The following DPYD variants were observed in gnomAD, a reference collection of about 807,000 sequenced individuals.
DPYD encodes the protein dihydropyrimidine dehydrogenase.
In DPYD, 109 loss-of-function variants were observed where a neutral mutation model predicts 116.2. That is an observed-to-expected ratio of 0.94 (90% CI 0.80 to 1.10). The LOEUF (loss-of-function observed/expected upper bound fraction) is 1.10, where lower values mean the gene tolerates loss of function less well. Among genes scored for constraint, DPYD ranks in the 50% least tolerant of loss-of-function variants. DPYD has a pLI of 0.00. For synonymous variants in DPYD, 440 were observed against 432.0 expected (o/e 1.02, Z -0.23); for missense variants, 1,302 against 1,254.5 (o/e 1.04, Z -0.57).
At chr1:97,701,061 T>C (rs1479075322) in intron 5 of DPYD, among the ~76,000 whole-genome samples, 1 of 150,690 alleles carries the variant, frequency 6.6e-6, no homozygotes, top group East Asian at 1.9e-4. Flanking sequence ...TGGACTAAAA[T>C]TCCAATTAAA....
intron 18 of DPYD, among the ~76,000 whole-genome samples, chr1:97,253,308 G>A (rs751172385): frequency 3.3e-5 from 5 of 152,150 alleles, no homozygotes; most frequent in African/African-American, 4.8e-5. Context: ...AATGGAAAAC[G>A]AATGCCAGTA....
In DPYD at chr1:97,699,395, AG is replaced by A; in HGVS notation, c.635del (p.Ser212LeufsTer15). On this transcript the variant is annotated frameshift_variant, in exon 6 of 23. Coordinates refer to ENST00000370192, the MANE Select transcript of DPYD (RefSeq NM_000110.4). LOFTEE classifies it high-confidence loss of function. ...CTTGTTTTTCAAATATAGTGATGTC[AG>A]AGTACCCCAATCGAGCCAAAAAGGA... ...CASFLARLGYSDITIFEKQEY... is the reference protein window; with the variant it reads ...CASFLARLGYXDITIFEKQEY... 1.2e-6 allele frequency: 2 copies of A among 1,613,738 alleles called. No individual in the cohort carries two copies. The highest frequency in any genetic ancestry group is 1.7e-6 in the Non-Finnish European group (2 of 1,179,694).
chr1:97,178,173 C>T (rs190713937), intron 20 of DPYD, among the ~76,000 whole-genome samples: 47 of 152,236 alleles, frequency 3.1e-4, no homozygotes, highest in African/African-American at 1.1e-3. Context: ...TAGCCTGGAG[C>T]ACTCTGACAG....
chr1:97,401,073 G>T (rs1266200564), intron 14 of DPYD, among the ~76,000 whole-genome samples: 1 of 152,062 alleles, frequency 6.6e-6, no homozygotes, highest in African/African-American at 2.4e-5. Context: ...ATGATGTAGA[G>T]TACCTTTTCA....
intron 11 of DPYD, among the ~76,000 whole-genome samples, chr1:97,573,385 A>G (rs1653040342): frequency 2.0e-5 from 3 of 152,080 alleles, no homozygotes; most frequent in Admixed American, 1.3e-4. Context: ...CATTCATTAG[A>G]TTTTGATTTG....
At chr1:97,463,744 A>C (rs1356824311) in intron 13 of DPYD, among the ~76,000 whole-genome samples, 9 of 152,286 alleles carry the variant, frequency 5.9e-5, no homozygotes, top group African/African-American at 1.7e-4. Flanking sequence ...AACTACAGGA[A>C]AGGTGACTTT....
intron 14 of DPYD, among the ~76,000 whole-genome samples, chr1:97,399,815 T>C (rs573521162): frequency 7.2e-5 from 11 of 152,234 alleles, no homozygotes; most frequent in South Asian, 2.1e-4. Flanking sequence ...TGAGACTTTG[T>C]TGAAGTTGCT....
Position 97,102,396 on chromosome 1 carries a change from CAT to C in DPYD, c.2623-3766_2623-3765del, listed in dbSNP as rs372249411. Among the ~76,000 whole-genome samples the C allele has an allele frequency of 4.9e-3, 480 of 97,276 alleles. 9 individuals carry two copies. The highest frequency in any genetic ancestry group is 7.2e-3 in the Non-Finnish European group (362 of 50,260). 63.8% of individuals were successfully genotyped at this position (97,276 alleles called of 152,430 possible). A position where few individuals can be genotyped will look rare whatever the true frequency, so the allele number is the denominator to read the frequency against. On this transcript the variant is annotated intron_variant, in intron 20 of 22. Coordinates refer to ENST00000370192, the MANE Select transcript of DPYD (RefSeq NM_000110.4). ...TATATCAGAATATATCACTCAGTAT[CAT>C]ATATATATATATATATATATATGTA...
Position 97,641,773 on chromosome 1 carries a change from T to C in DPYD, c.850+37322A>G, listed in dbSNP as rs1200642201. ...AGGGCAATCAGGCAAGAGAAAGAAA[T>C]AAAGGGTATTCAATTAGGAAAAGAG... On this transcript the variant is annotated intron_variant, in intron 8 of 22. Coordinates refer to ENST00000370192, the MANE Select transcript of DPYD (RefSeq NM_000110.4). Among the ~76,000 whole-genome samples, 11 of 152,044 alleles carry C rather than the reference T, an allele frequency of 7.2e-5. No homozygotes were observed. The East Asian group carries it at 1.9e-3, about 27-fold the overall frequency.
intron 8 of DPYD, among the ~76,000 whole-genome samples, chr1:97,603,933 T>G (rs2100731255): frequency 6.6e-6 from 1 of 152,282 alleles, no homozygotes; most frequent in Middle Eastern, 3.4e-3. Context: ...AAACACAATG[T>G]ATGAGTTAGG....
intron 3 of DPYD, among the ~76,000 whole-genome samples, chr1:97,764,038 C>T (rs775715846): frequency 3.0e-4 from 46 of 151,898 alleles, no homozygotes; most frequent in Non-Finnish European, 1.0e-4. Flanking sequence ...AATAACACTG[C>T]TGACAGAACC....
intron 18 of DPYD, among the ~76,000 whole-genome samples, chr1:97,304,767 C>T (rs890620600): frequency 1.3e-5 from 2 of 151,916 alleles, no homozygotes; most frequent in African/African-American, 2.4e-5. Flanking sequence ...TGAGAAAGAG[C>T]GTGCAAAGGT....
At chr1:97,583,047 C>T (rs1027795674) in intron 10 of DPYD, among the ~76,000 whole-genome samples, 70 of 152,202 alleles carry the variant, frequency 4.6e-4, no homozygotes, top group African/African-American at 1.5e-3. Context: ...CCACTCATTG[C>T]GAGCTCTGCC....
chr1:97,408,827 G>A (rs202035785), intron 14 of DPYD, among the ~76,000 whole-genome samples: 4 of 152,200 alleles, frequency 2.6e-5, no homozygotes, highest in East Asian at 3.9e-4. Context: ...TGAGTCTTCC[G>A]GCCTTCAGTC....
chr1:97,791,196 G>T (rs1323698497), intron 3 of DPYD, among the ~76,000 whole-genome samples: 1 of 152,138 alleles, frequency 6.6e-6, no homozygotes, highest in Non-Finnish European at 1.5e-5. Context: ...ATTGTGGGAT[G>T]TATTGTATTT....
At position 97,870,890 on chromosome 1, in the gene DPYD, AC is replaced by A. The variant is rs1373088207; in HGVS notation, c.150+12373del. Among the ~76,000 whole-genome samples, 3 of 151,914 alleles carry A rather than the reference AC, an allele frequency of 2.0e-5. No homozygotes were observed. In the East Asian group the frequency reaches 5.8e-4, roughly 30 times the overall value. ...GCCTCTAGCATTTTACGTGGGTTCC[AC>A]CGATTAGTGTTTGAATAGGGGAACG... On this transcript the variant is annotated intron_variant, in intron 2 of 22. Coordinates refer to ENST00000370192, the MANE Select transcript of DPYD (RefSeq NM_000110.4).
chr1:97,471,007 C>T (rs1050547516), intron 13 of DPYD, among the ~76,000 whole-genome samples: 1 of 151,912 alleles, frequency 6.6e-6, no homozygotes, highest in Non-Finnish European at 1.5e-5. Flanking sequence ...AAAAAGGTTT[C>T]TGAATTAGTT....
At chr1:97,158,857 A>G (rs1300004775) in intron 20 of DPYD, among the ~76,000 whole-genome samples, 1 of 152,140 alleles carries the variant, frequency 6.6e-6, no homozygotes, top group Non-Finnish European at 1.5e-5. Flanking sequence ...CACAGCTAAG[A>G]TTGAAATAAC....
chr1:97,483,339 G>A (rs1380238606), intron 13 of DPYD, among the ~76,000 whole-genome samples: 5 of 152,096 alleles, frequency 3.3e-5, no homozygotes, highest in Non-Finnish European at 5.9e-5. Context: ...CCTGAGAAAG[G>A]GCTCATGGAA....
Sources: allele counts gnomAD v4.1 joint callset (sites outside exome capture counted in the v4.1 genomes callset), GRCh38; gene constraint gnomAD v4.1.1; transcripts MANE v1.5; gene names NCBI Gene and HGNC (gene_info 2026-07-23, HGNC 2026-07-21).